The following CEP128 variants were observed in gnomAD, a reference collection of about 807,000 sequenced individuals.
CEP128 encodes centrosomal protein 128kDa.
CEP128 carries 132 observed loss-of-function variants against 156.7 expected under a neutral mutation model. The observed-to-expected ratio is 0.84, with a 90% CI of 0.73 to 0.97. The LOEUF (loss-of-function observed/expected upper bound fraction) is 0.97, where lower values mean the gene tolerates loss of function less well. Ranked by LOEUF, CEP128 falls within the 50% of genes least tolerant of loss-of-function variation. The pLI is 0.00. For synonymous variants in CEP128, 469 were observed against 448.9 expected, an observed-to-expected ratio of 1.04 and a Z score of -0.57; for missense variants, 1,252 against 1,281.9, an observed-to-expected ratio of 0.98 and a Z score of 0.36.
At chr14:80,941,879 T>C (rs995535002), upstream of CEP128, 1 of 152,318 alleles carries the variant, frequency 6.6e-6, no homozygotes, top group Non-Finnish European at 1.5e-5. Context: ...CAGGATGCCA[T>C]ATAGCTGGCC....
chr14:80,872,337 C>T (rs1888070117), intron 8 of CEP128, among the ~76,000 whole-genome samples: 1 of 152,146 alleles, frequency 6.6e-6, no homozygotes, highest in African/African-American at 2.4e-5. Context: ...AATAACTCTT[C>T]CCTTCCAATG....
At chr14:80,591,438 C>T (rs1481254011) in intron 19 of CEP128, among the ~76,000 whole-genome samples, 4 of 152,012 alleles carry the variant, frequency 2.6e-5, no homozygotes, top group African/African-American at 4.8e-5. Flanking sequence ...GTAAGGGAAT[C>T]AATGCAACAA....
chr14:80,899,949 G>A lies in CEP128; in HGVS notation c.561C>T (p.Ser187=). The change falls in exon 7 of 25, where the codon TCC becomes TCT. Residue 187 remains serine, a synonymous_variant. Transcript: ENST00000555265. ...TAGGCTGCTTTTACCGGCTCCTTCT[G>A]GAAAGCTCCCTGTTGAAATCATCTC... ...RLGDDFNREL[S]RRSRSDAETK... 1 of 1,612,086 alleles carries A rather than the reference G, an allele frequency of 6.2e-7. No homozygotes were observed. The highest frequency in any genetic ancestry group is 8.5e-7 in the Non-Finnish European group (1 of 1,178,338).
intron 8 of CEP128, among the ~76,000 whole-genome samples, chr14:80,884,427 G>C (rs1053074078): frequency 1.3e-5 from 2 of 152,184 alleles, no homozygotes; most frequent in Non-Finnish European, 2.9e-5. Flanking sequence ...CACAGAAGGT[G>C]GGAGAGTTCT....
At chr14:80,630,278 G>A (rs1893907493) in intron 19 of CEP128, among the ~76,000 whole-genome samples, 1 of 151,866 alleles carries the variant, frequency 6.6e-6, no homozygotes, top group Non-Finnish European at 1.5e-5. Context: ...TAAACTCAAA[G>A]CAATTCATTG....
chr14:80,677,021 G>T (rs979438911), intron 19 of CEP128, among the ~76,000 whole-genome samples: 99 of 152,192 alleles, frequency 6.5e-4, no homozygotes, highest in African/African-American at 2.2e-3. Flanking sequence ...AGACTATGGG[G>T]AGCAAAACTG....
intron 19 of CEP128, among the ~76,000 whole-genome samples, chr14:80,614,907 T>C (rs1376901901): frequency 6.6e-6 from 1 of 152,226 alleles, no homozygotes; most frequent in African/African-American, 2.4e-5. Context: ...CTAAGAATTA[T>C]AAAATGCATA....
intron 16 of CEP128, among the ~76,000 whole-genome samples, chr14:80,776,047 T>C (rs1900773370): frequency 6.6e-6 from 1 of 152,164 alleles, no homozygotes; most frequent in Non-Finnish European, 1.5e-5. Flanking sequence ...TTGGCCAGGC[T>C]GGTCTAGAAT....
intron 20 of CEP128, among the ~76,000 whole-genome samples, chr14:80,575,580 A>G (rs1223875695): frequency 6.6e-6 from 1 of 152,094 alleles, no homozygotes; most frequent in Non-Finnish European, 1.5e-5. Flanking sequence ...GGGGGCAGAG[A>G]CCTCTGACTT....
chr14:80,747,262 T>C (rs117861972), intron 18 of CEP128, among the ~76,000 whole-genome samples: 270 of 152,272 alleles, frequency 1.8e-3, no homozygotes, highest in Non-Finnish European at 3.2e-3. Flanking sequence ...AAAACAAATA[T>C]ACATGCAAAA....
intron 19 of CEP128, among the ~76,000 whole-genome samples, chr14:80,651,364 C>G (rs1342607890): frequency 6.6e-6 from 1 of 152,090 alleles, no homozygotes; most frequent in Non-Finnish European, 1.5e-5. Context: ...TTTCAAAAAA[C>G]CAGCTCCTGG....
At chr14:80,590,765 C>T (rs894461099) in intron 19 of CEP128, among the ~76,000 whole-genome samples, 2 of 151,938 alleles carry the variant, frequency 1.3e-5, no homozygotes, top group Non-Finnish European at 2.9e-5. Context: ...TTATGTGCTC[C>T]TAAAAGTATT....
chr14:80,579,583 G>A (rs189246915), intron 20 of CEP128, among the ~76,000 whole-genome samples: 3 of 152,166 alleles, frequency 2.0e-5, no homozygotes, highest in East Asian at 3.9e-4. Flanking sequence ...ATCTTTACCC[G>A]TAAAGCACTC....
chr14:80,889,001 G>A (rs959376698), intron 8 of CEP128, among the ~76,000 whole-genome samples: 2 of 152,104 alleles, frequency 1.3e-5, no homozygotes, highest in Admixed American at 6.5e-5. Flanking sequence ...CAAACAGGGA[G>A]CCAAATCATG....
intron 23 of CEP128, among the ~76,000 whole-genome samples, chr14:80,522,957 T>C (rs1314209256): frequency 6.6e-6 from 1 of 152,230 alleles, no homozygotes; most frequent in East Asian, 1.9e-4. Context: ...GCTCTCACAA[T>C]TGTGGATGTT....
rs921718275 is a variant in CEP128, at chr14:80,698,993, A to G, written c.2806+44082T>C. ...CAAAGAAAGGTGATAATTGCCATAAAAGGCTTTTAATATTGGATATGGAAT... is the reference window on the plus strand; with the variant it reads ...CAAAGAAAGGTGATAATTGCCATAAGAGGCTTTTAATATTGGATATGGAAT... On this transcript the variant is annotated intron_variant, in intron 19 of 24. Transcript: ENST00000555265. Among the ~76,000 whole-genome samples, 4 of 152,292 alleles carry G rather than the reference A, an allele frequency of 2.6e-5. No individual in the cohort carries two copies. The East Asian group carries it at 7.7e-4, about 29-fold the overall frequency.
intron 21 of CEP128, among the ~76,000 whole-genome samples, chr14:80,554,150 T>C (rs1341525620): frequency 6.6e-6 from 1 of 152,228 alleles, no homozygotes; most frequent in Non-Finnish European, 1.5e-5. Context: ...TCTGTCACTA[T>C]GCTATAAATT....
chr14:80,767,597 T>G (rs1266914408), intron 16 of CEP128, among the ~76,000 whole-genome samples: 1 of 152,030 alleles, frequency 6.6e-6, no homozygotes, highest in Non-Finnish European at 1.5e-5. Flanking sequence ...CCTAACTCAT[T>G]ATAAAAGTCC....
chr14:80,492,314 A>G (rs906983524), downstream of CEP128, among the ~76,000 whole-genome samples: 3 of 152,226 alleles, frequency 2.0e-5, no homozygotes, highest in Non-Finnish European at 2.9e-5. Flanking sequence ...TACCAAGAGA[A>G]GCCTTTCACA....
Sources: allele counts gnomAD v4.1 joint callset (sites outside exome capture counted in the v4.1 genomes callset), GRCh38; gene constraint gnomAD v4.1.1; transcripts MANE v1.5; gene names NCBI Gene and HGNC (gene_info 2026-07-23, HGNC 2026-07-21).